Variants in BTBD9 observed in about 807,000 individuals in gnomAD.
BTBD9 encodes the protein BTB domain containing 9.
BTBD9 carries 49 observed loss-of-function variants against 64.3 expected under a neutral mutation model. The ratio of observed to expected loss-of-function variants is 0.76; its 90% CI spans 0.61 to 0.97. The LOEUF is 0.97. BTBD9 is among the 50% of genes least tolerant of loss of function. The pLI, the probability that BTBD9 is intolerant of heterozygous loss-of-function variation, is 0.00. For missense variants in BTBD9, 598 were observed against 762.1 expected, an observed-to-expected ratio of 0.78 and a Z score of 2.53; for synonymous variants, 260 against 274.7, an observed-to-expected ratio of 0.95 and a Z score of 0.53.
intron 9 of BTBD9, among the ~76,000 whole-genome samples, chr6:38,235,956 C>A (rs1763762973): frequency 6.6e-6 from 1 of 152,062 alleles, no homozygotes; most frequent in African/African-American, 2.4e-5. Flanking sequence ...AATGAAAGAC[C>A]CCTGGCCCGA....
At chr6:38,190,453 A>G (rs1762018225) in intron 10 of BTBD9, among the ~76,000 whole-genome samples, 1 of 127,766 alleles carries the variant, frequency 7.8e-6, no homozygotes, top group Non-Finnish European at 1.6e-5. Context: ...TGGGTGACAG[A>G]GTGAAACTCT....
chr6:38,461,200 C>T (rs977587422), intron 6 of BTBD9, among the ~76,000 whole-genome samples: 3 of 152,160 alleles, frequency 2.0e-5, no homozygotes, highest in East Asian at 1.9e-4. Flanking sequence ...ACAAACTGTA[C>T]GTATTTGAGA....
At chr6:38,303,470 G>C (rs1762487248) in intron 7 of BTBD9, among the ~76,000 whole-genome samples, 1 of 152,036 alleles carries the variant, frequency 6.6e-6, no homozygotes, top group African/African-American at 2.4e-5. Context: ...ATGAAAACCA[G>C]AAAGATGGTA....
chr6:38,377,695 G>T (rs1765748156), intron 6 of BTBD9, among the ~76,000 whole-genome samples: 1 of 152,054 alleles, frequency 6.6e-6, no homozygotes, highest in South Asian at 2.1e-4. Flanking sequence ...TGCAATATTT[G>T]AGAAGGTTAT....
chr6:38,558,918 C>T (rs191887602), intron 6 of BTBD9, among the ~76,000 whole-genome samples: 1 of 152,262 alleles, frequency 6.6e-6, no homozygotes, highest in Non-Finnish European at 1.5e-5. Context: ...AGAAGTCTCT[C>T]CTCCTCCATC....
At chr6:38,631,760 A>G (rs183812254) in intron 1 of BTBD9, among the ~76,000 whole-genome samples, 1 of 152,322 alleles carries the variant, frequency 6.6e-6, no homozygotes, top group African/African-American at 2.4e-5. Flanking sequence ...ATTGCAACTC[A>G]TCAGTGACTC....
intron 6 of BTBD9, among the ~76,000 whole-genome samples, chr6:38,387,079 A>G (rs1025253122): frequency 6.6e-6 from 1 of 152,260 alleles, no homozygotes; most frequent in Non-Finnish European, 1.5e-5. Context: ...GGATGCTTGC[A>G]GGTAGAACAA....
At chr6:38,324,257 A>C (rs546274116) in intron 7 of BTBD9, among the ~76,000 whole-genome samples, 1 of 152,370 alleles carries the variant, frequency 6.6e-6, no homozygotes, top group African/African-American at 2.4e-5. Context: ...AGATAGGCCA[A>C]GAAAATAAAT....
At chr6:38,303,005 C>A (rs1433210856) in intron 7 of BTBD9, among the ~76,000 whole-genome samples, 1 of 152,014 alleles carries the variant, frequency 6.6e-6, no homozygotes, top group East Asian at 1.9e-4. Context: ...TTTATTTTGC[C>A]GTTGAGTTTA....
intron 6 of BTBD9, among the ~76,000 whole-genome samples, chr6:38,454,179 A>C (rs975354698): frequency 6.6e-6 from 1 of 152,166 alleles, no homozygotes; most frequent in African/African-American, 2.4e-5. Flanking sequence ...AGTACAAAAC[A>C]CTGTCTGATA....
chr6:38,315,332 G>A (rs1356706610), intron 7 of BTBD9, among the ~76,000 whole-genome samples: 1 of 151,808 alleles, frequency 6.6e-6, no homozygotes, highest in African/African-American at 2.4e-5. Flanking sequence ...TTTAGATTTG[G>A]TTTGCTCTTG....
At chr6:38,628,609 T>C (rs567537257) in intron 1 of BTBD9, among the ~76,000 whole-genome samples, 17 of 152,274 alleles carry the variant, frequency 1.1e-4, no homozygotes, top group African/African-American at 4.1e-4. Context: ...TATGAACTTA[T>C]GGTTAATATA....
At chr6:38,388,450 T>TTTATAATGA (rs1766279477) in intron 6 of BTBD9, among the ~76,000 whole-genome samples, 1 of 152,220 alleles carries the variant, frequency 6.6e-6, no homozygotes, top group Non-Finnish European at 1.5e-5. Context: ...TACTTAGACT[T>TTTATAATGA]TTATAATGAT....
At chr6:38,344,267 C>CT (rs1274444659) in intron 7 of BTBD9, among the ~76,000 whole-genome samples, 1 of 152,030 alleles carries the variant, frequency 6.6e-6, no homozygotes, top group Non-Finnish European at 1.5e-5. Flanking sequence ...ATGTCAAGAC[C>CT]TGGGATGGAC....
intron 10 of BTBD9, among the ~76,000 whole-genome samples, chr6:38,180,952 C>T (rs904358172): frequency 6.6e-6 from 1 of 152,210 alleles, no homozygotes; most frequent in African/African-American, 2.4e-5. Context: ...CTCTGGGAGC[C>T]ATAATTCACC....
chr6:38,266,927 T>C (rs1391295148), intron 8 of BTBD9, among the ~76,000 whole-genome samples: 2 of 152,222 alleles, frequency 1.3e-5, no homozygotes, highest in African/African-American at 4.8e-5. Context: ...TAGGCAGGTA[T>C]GCAGCTTTTA....
chr6:38,451,819 G>T (rs1006144561), intron 6 of BTBD9, among the ~76,000 whole-genome samples: 18 of 152,034 alleles, frequency 1.2e-4, no homozygotes, highest in African/African-American at 3.9e-4. Context: ...AAAACCAGTG[G>T]TCATTGATCC....
intron 9 of BTBD9, among the ~76,000 whole-genome samples, chr6:38,251,083 GA>G (rs1255908627): frequency 4.7e-4 from 65 of 137,228 alleles, no homozygotes; most frequent in Non-Finnish European, 4.5e-4. Flanking sequence ...CTATGTCTCA[GA>G]AAAAAAAAAA....
chr6:38,602,643 T>C (rs534190433), intron 1 of BTBD9, among the ~76,000 whole-genome samples: 1 of 152,150 alleles, frequency 6.6e-6, no homozygotes, highest in South Asian at 2.1e-4. Context: ...AGTAAAACTA[T>C]AAACAAATAT....
Sources: allele counts gnomAD v4.1 joint callset (sites outside exome capture counted in the v4.1 genomes callset), GRCh38; gene constraint gnomAD v4.1.1; transcripts MANE v1.5; gene names NCBI Gene and HGNC (gene_info 2026-07-23, HGNC 2026-07-21).